The following PPFIA2 variants were observed in gnomAD, a reference collection of about 807,000 sequenced individuals.
PPFIA2 encodes liprin-alpha-2.
PPFIA2 carries 46 observed loss-of-function variants against 175.5 expected under a neutral mutation model. The ratio of observed to expected loss-of-function variants is 0.26; its 90% CI spans 0.21 to 0.34. The LOEUF (loss-of-function observed/expected upper bound fraction) is 0.34. Among genes scored for constraint, PPFIA2 ranks in the 10% least tolerant of loss-of-function variants. The pLI, the probability that PPFIA2 is intolerant of heterozygous loss-of-function variation, is 1.00. For synonymous variants in PPFIA2, 568 were observed against 511.4 expected, an observed-to-expected ratio of 1.11 and a Z score of -1.49; for missense variants, 1,179 against 1,506.1, an observed-to-expected ratio of 0.78 and a Z score of 3.60.
intron 4 of PPFIA2, among the ~76,000 whole-genome samples, chr12:81,646,098 A>G (rs2066023963): frequency 6.6e-6 from 1 of 152,180 alleles, no homozygotes; most frequent in Non-Finnish European, 1.5e-5. Flanking sequence ...GGCCAAGGTC[A>G]GCTGCCATGA....
rs187994816 is a variant in PPFIA2 at position 81,608,132 on chromosome 12, C to T, written c.303+68659G>A. Among the ~76,000 whole-genome samples, 1,033 of 152,168 alleles carry T rather than the reference C, an allele frequency of 6.8e-3. 11 individuals carry two copies. The highest frequency in any genetic ancestry group is 0.023 in the African/African-American group (970 of 41,530). On this transcript the variant is annotated intron_variant, in intron 4 of 32. Transcript: ENST00000549396. ...CATATTTTGAACCAACCTTGCATCC[C>T]AGGAATCAAGCCCACTTGATTGTGG...
chr12:81,283,454 G>A (rs1240248786), intron 25 of PPFIA2, among the ~76,000 whole-genome samples: 1 of 151,782 alleles, frequency 6.6e-6, no homozygotes, highest in Non-Finnish European at 1.5e-5. Context: ...CTCCAACAAA[G>A]CTTTGTGATA....
chr12:81,285,396 G>T (rs1325762142), intron 24 of PPFIA2, among the ~76,000 whole-genome samples: 3 of 151,944 alleles, frequency 2.0e-5, no homozygotes, highest in Admixed American at 6.6e-5. Flanking sequence ...TTCACTTTGG[G>T]TTTTTCTGCC....
At chr12:81,644,455 T>C (rs796780594) in intron 4 of PPFIA2, among the ~76,000 whole-genome samples, 19 of 152,140 alleles carry the variant, frequency 1.2e-4, no homozygotes, top group African/African-American at 4.6e-4. Flanking sequence ...TAAATCTTAG[T>C]TCTAAGATAA....
chr12:81,301,664 T>G (rs1238310870), intron 22 of PPFIA2, among the ~76,000 whole-genome samples: 4 of 152,082 alleles, frequency 2.6e-5, no homozygotes. Flanking sequence ...CTGACTAAAC[T>G]CCCATCTCAG....
At chr12:81,692,287 C>T (rs2075347467) in intron 3 of PPFIA2, among the ~76,000 whole-genome samples, 1 of 152,062 alleles carries the variant, frequency 6.6e-6, no homozygotes, top group Non-Finnish European at 1.5e-5. Flanking sequence ...ACAGTTTGAG[C>T]CTGAGCTGAT....
chr12:81,753,490 G>A (rs2084166582), intron 3 of PPFIA2, among the ~76,000 whole-genome samples: 1 of 146,968 alleles, frequency 6.8e-6, no homozygotes. Context: ...TAATATATTA[G>A]TAATTCCAAG....
chr12:81,708,278 A>T (rs1402670025), intron 3 of PPFIA2, among the ~76,000 whole-genome samples: 3 of 152,112 alleles, frequency 2.0e-5, no homozygotes, highest in South Asian at 4.1e-4. Flanking sequence ...TGGAAGAAAA[A>T]TTTTAAAAAC....
At chr12:81,677,078 T>A (rs2072676347) in intron 3 of PPFIA2, among the ~76,000 whole-genome samples, 3 of 152,140 alleles carry the variant, frequency 2.0e-5, no homozygotes, top group Middle Eastern at 3.4e-3. Context: ...CAGATTTTTT[T>A]AAATATGCAG....
intron 23 of PPFIA2, among the ~76,000 whole-genome samples, chr12:81,295,590 A>T (rs2046257212): frequency 1.3e-5 from 2 of 152,224 alleles, no homozygotes; most frequent in African/African-American, 4.8e-5. Context: ...TAGATGCTAT[A>T]TATGAAAATG....
chr12:81,691,865 A>G (rs1240493541), intron 3 of PPFIA2, among the ~76,000 whole-genome samples: 1 of 152,106 alleles, frequency 6.6e-6, no homozygotes, highest in Non-Finnish European at 1.5e-5. Flanking sequence ...ATTTTATAAT[A>G]TTCTTTAGAA....
chr12:81,480,520 G>T (rs998904714), intron 4 of PPFIA2, among the ~76,000 whole-genome samples: 7 of 152,062 alleles, frequency 4.6e-5, no homozygotes, highest in Admixed American at 6.6e-5. Context: ...CAGTCTTTTT[G>T]CACTTTTTTC....
chr12:81,358,001 T>G, intron 16 of PPFIA2, 81 bp downstream of exon 16: 1 of 1,275,896 alleles, frequency 7.8e-7, no homozygotes, highest in South Asian at 1.7e-5. Context: ...ATTTTCTAAT[T>G]ATCTCAGTGT....
intron 4 of PPFIA2, among the ~76,000 whole-genome samples, chr12:81,637,942 A>G (rs2064329371): frequency 6.6e-6 from 1 of 152,196 alleles, no homozygotes; most frequent in African/African-American, 2.4e-5. Flanking sequence ...AACGAGATAT[A>G]ATAATAAAAT....
At chr12:81,359,042 T>C (rs1373021525) in intron 15 of PPFIA2, among the ~76,000 whole-genome samples, 7 of 152,084 alleles carry the variant, frequency 4.6e-5, no homozygotes, top group Non-Finnish European at 8.8e-5. Context: ...TGTAGATTTA[T>C]AGCAAATTCA....
chr12:81,400,674 G>A (rs560090249), intron 8 of PPFIA2, among the ~76,000 whole-genome samples: 6 of 152,180 alleles, frequency 3.9e-5, no homozygotes, highest in Non-Finnish European at 5.9e-5. Flanking sequence ...GAACAGTCAC[G>A]AATAAATGTC....
At chr12:81,311,732 C>CAAAAAAAAAAAA (rs1050904857) in intron 22 of PPFIA2, among the ~76,000 whole-genome samples, 3 of 48,328 alleles carry the variant, frequency 6.2e-5, no homozygotes, top group Non-Finnish European at 1.2e-4. Context: ...GACTCTGTCT[C>CAAAAAAAAAAAA]AAAAAAAAAA....
chr12:81,262,964 G>A (rs769957753), intron 31 of PPFIA2, among the ~76,000 whole-genome samples: 3 of 152,122 alleles, frequency 2.0e-5, no homozygotes, highest in South Asian at 4.1e-4. Flanking sequence ...AAATCCTGCC[G>A]ATGTTTATTG....
intron 3 of PPFIA2, among the ~76,000 whole-genome samples, chr12:81,699,896 C>A (rs2076306479): frequency 6.6e-6 from 1 of 152,114 alleles, no homozygotes; most frequent in South Asian, 2.1e-4. Context: ...TCTATTGAAT[C>A]TTATTTTGCC....
Sources: gnomAD v4.1 joint callset for allele counts (sites outside exome capture counted in the v4.1 genomes callset) on GRCh38, gnomAD v4.1.1 for gene constraint, MANE v1.5 for transcripts, NCBI Gene and HGNC (gene_info 2026-07-23, HGNC 2026-07-21) for gene names.